Variants in DNAH9 observed in about 807,000 individuals in gnomAD.
DNAH9 encodes the protein DNAH9 variant protein.
DNAH9 carries 345 observed loss-of-function variants against 471.6 expected under a neutral mutation model. The ratio of observed to expected loss-of-function variants is 0.73; its 90% CI spans 0.67 to 0.80. DNAH9 has a LOEUF of 0.80. DNAH9 is among the 30% of genes least tolerant of loss of function. DNAH9 has a pLI of 0.00. For missense variants in DNAH9, 5,407 were observed against 5,609.2 expected, an observed-to-expected ratio of 0.96 and a Z score of 1.15; for synonymous variants, 2,093 against 2,123.6, an observed-to-expected ratio of 0.99 and a Z score of 0.40.
chr17:11,647,036 G>A, intron 11 of DNAH9, 36 bp from the exon 12 acceptor site: 1 of 1,609,880 alleles, frequency 6.2e-7, no homozygotes. Context: ...GCTGGGAGGG[G>A]GCTTATGAGG....
chr17:11,848,929 C>T (rs778998422), intron 49 of DNAH9, among the ~76,000 whole-genome samples: 28 of 152,024 alleles, frequency 1.8e-4, no homozygotes, highest in Admixed American at 3.9e-4. Flanking sequence ...CTCTGCCTCC[C>T]GGGTTCACGC....
intron 49 of DNAH9, among the ~76,000 whole-genome samples, chr17:11,848,339 A>C (rs1971295462): frequency 6.6e-6 from 1 of 152,196 alleles, no homozygotes; most frequent in Non-Finnish European, 1.5e-5. Context: ...GTAAATACAC[A>C]TATATTTGCA....
intron 14 of DNAH9, among the ~76,000 whole-genome samples, chr17:11,659,468 G>T (rs975812266): frequency 2.6e-5 from 4 of 152,120 alleles, no homozygotes; most frequent in Non-Finnish European, 5.9e-5. Context: ...TAAGCCCAGG[G>T]CATAAAACCC....
intron 67 of DNAH9, among the ~76,000 whole-genome samples, chr17:11,957,711 G>A (rs1036931468): frequency 3.2e-4 from 48 of 152,050 alleles, no homozygotes; most frequent in African/African-American, 1.2e-3. Context: ...CAGACAATAA[G>A]CATGCTACTT....
At position 11,843,839 on chromosome 17, in the gene DNAH9, GTT is replaced by G. The variant is rs1193895492; in HGVS notation, c.9507+8943_9507+8944del. 4.9e-4 allele frequency among the ~76,000 whole-genome samples: 29 copies of G among 59,684 alleles called. 1 individual carries two copies. Among genetic ancestry groups the G allele is most frequent in the African/African-American group, 1.3e-3 (25 of 19,430 alleles). The allele number at this position is 59,684 out of a possible 152,430, so 39.2% of individuals were successfully genotyped here. Reference sequence around the variant, plus strand: ...TATTTGTATATATACATGTATATGTGTTTGTGTGTGTGTGTGTGTGTGTGTAT... The same window carrying G: ...TATTTGTATATATACATGTATATGTGTGTGTGTGTGTGTGTGTGTGTGTAT... On this transcript the variant is annotated intron_variant, in intron 49 of 68. Transcript: ENST00000262442.
intron 22 of DNAH9, among the ~76,000 whole-genome samples, chr17:11,694,828 CTT>C (rs1223075385): frequency 6.9e-4 from 1 of 1,448 alleles, no homozygotes; most frequent in Non-Finnish European, 6.0e-3. Context: ...TTCTTTCTTT[CTT>C]TCTTTCTTTC....
rs761194543 is a variant in DNAH9, at chr17:11,739,066, G to T, written c.5972+29G>T. ...AGTGTCAGTTCTGCCCCATGCAAAA[G>T]CCCCAAAAGAGAAGTTTCTTTCATT... On this transcript the variant is annotated intron_variant, in intron 29 of 68. Coordinates refer to ENST00000262442, the MANE Select transcript of DNAH9 (RefSeq NM_001372.4). 5.3e-6 allele frequency: 8 copies of T among 1,512,668 alleles called. No individual in the cohort carries two copies. The Admixed American group carries it at 1.7e-4, about 33-fold the overall frequency. 93.7% of individuals were successfully genotyped at this position (1,512,668 alleles called of 1,614,324 possible).
Position 11,969,451 on chromosome 17 carries a change from G to A in DNAH9, c.13385G>A (p.Trp4462Ter), listed in dbSNP as rs764792200. Residue 4462 changes from tryptophan to a stop codon, truncating the protein, a stop_gained, in exon 69 of 69, where the codon TGG becomes TAG. Coordinates refer to ENST00000262442, the MANE Select transcript of DNAH9 (RefSeq NM_001372.4). LOFTEE classifies it high-confidence loss of function. ...AGTCAGCGGGGACCCACCTACGTGT[G>A]GACTTTCAACCTGAAGACTAAGGAA... ...KTSQRGPTYVWTFNLKTKENP... is the reference protein window; with the variant it reads ...KTSQRGPTYV 6.2e-7 allele frequency: 1 copy of A among 1,613,804 alleles called. No individual in the cohort carries two copies. Among genetic ancestry groups the A allele is most frequent in the African/African-American group, 1.3e-5 (1 of 74,850 alleles).
chr17:11,817,803 T>G (rs1970153804), intron 45 of DNAH9, among the ~76,000 whole-genome samples: 1 of 152,224 alleles, frequency 6.6e-6, no homozygotes, highest in Non-Finnish European at 1.5e-5. Context: ...ATGCATGTCA[T>G]TAACTATCTC....
chr17:11,838,257 A>G (rs2150956590), intron 49 of DNAH9, among the ~76,000 whole-genome samples: 1 of 152,342 alleles, frequency 6.6e-6, no homozygotes, highest in South Asian at 2.1e-4. Context: ...AGTATAATCT[A>G]GAAGTAATGG....
chr17:11,696,853 T>C (rs977482866), intron 22 of DNAH9, among the ~76,000 whole-genome samples: 3 of 152,166 alleles, frequency 2.0e-5, no homozygotes, highest in Non-Finnish European at 4.4e-5. Flanking sequence ...TTTTTTTATA[T>C]CTCATTCTTT....
rs1442284182 is a variant in DNAH9, at chr17:11,923,801, A to T, written c.11750-13A>T. ...CACAAGAAATAATAATGACGCCTCC[A>T]TCCTCCTTTTAGGAAGAAAACTTGG... On this transcript the variant is annotated splice_polypyrimidine_tract_variant and intron_variant, in intron 61 of 68. Coordinates refer to ENST00000262442, the MANE Select transcript of DNAH9 (RefSeq NM_001372.4). 2.5e-6 allele frequency: 4 copies of T among 1,613,436 alleles called. No homozygotes were observed. The highest frequency in any genetic ancestry group is 2.2e-5 in the East Asian group (1 of 44,854).
In DNAH9 at chr17:11,821,914, T is replaced by C. The variant is rs1210269695; in HGVS notation, c.8708-6T>C. 6.2e-7 allele frequency: 1 copy of C among 1,606,958 alleles called. No homozygotes were observed. The highest frequency in any genetic ancestry group is 1.1e-5 in the South Asian group (1 of 89,708). The stretch of plus-strand genomic sequence containing the variant: ...GGCTGCCTATCTGTGCTCCATTTTT[T>C]CCCAGGGGAGATCCCAGATCTCTAC... On this transcript the variant is annotated splice_polypyrimidine_tract_variant and splice_region_variant and intron_variant, in intron 45 of 68. Coordinates refer to ENST00000262442, the MANE Select transcript of DNAH9 (RefSeq NM_001372.4).
chr17:11,739,143 G>A, intron 29 of DNAH9, 106 bp downstream of exon 29: 1 of 1,174,232 alleles, frequency 8.5e-7, no homozygotes, highest in Non-Finnish European at 1.2e-6. Flanking sequence ...GGAACATTTG[G>A]AAAAGTAGAT....
chr17:11,774,455 C>G (rs984494115), intron 38 of DNAH9, among the ~76,000 whole-genome samples: 2 of 152,152 alleles, frequency 1.3e-5, no homozygotes, highest in Non-Finnish European at 2.9e-5. Context: ...CTGGGGAAGC[C>G]TCACAGTCAT....
Position 11,937,048 on chromosome 17 carries a change from G to A in DNAH9, c.12490-304G>A, listed in dbSNP as rs370953749. On this transcript the variant is annotated intron_variant, in intron 65 of 68. Transcript: ENST00000262442. The surrounding 1 kb of genome is among the most constrained non-coding windows in gnomAD (Gnocchi z 4.1). ...GTCCTCCTCTGGTCTGCAGGAAAAA[G>A]AGTCATCAGGGAGGAGTGGGAGGCA... is the stretch of plus-strand genomic sequence containing the variant. Among the ~76,000 whole-genome samples the A allele has an allele frequency of 6.6e-6, 1 of 151,702 alleles. No individual in the cohort carries two copies. Among genetic ancestry groups the A allele is most frequent in the African/African-American group, 2.4e-5 (1 of 41,020 alleles).
intron 26 of DNAH9, among the ~76,000 whole-genome samples, chr17:11,708,008 CACACACAGAGAGAGAGAGAGAGAGAG>C (rs1188530695): frequency 3.2e-4 from 15 of 47,224 alleles, no homozygotes; most frequent in African/African-American, 7.6e-4. Context: ...CACACACACA[CACACACAGAGAGAGAGAGAGAGAGAG>C]AGAGAGAGAG....
intron 6 of DNAH9, among the ~76,000 whole-genome samples, chr17:11,627,365 G>C (rs1344136576): frequency 6.6e-6 from 1 of 152,104 alleles, no homozygotes; most frequent in Non-Finnish European, 1.5e-5. Flanking sequence ...ATTATCATCT[G>C]GGTTTCTGAT....
At chr17:11,930,907 A>C (rs1974488361) in intron 63 of DNAH9, among the ~76,000 whole-genome samples, 1 of 152,214 alleles carries the variant, frequency 6.6e-6, no homozygotes, top group Non-Finnish European at 1.5e-5. Flanking sequence ...AGAGACTCAG[A>C]ATATCAAGTG....
Sources: gnomAD v4.1 joint callset for allele counts (sites outside exome capture counted in the v4.1 genomes callset) on GRCh38, gnomAD v4.1.1 for gene constraint, Gnocchi (gnomAD v3.1) non-coding constraint, MANE v1.5 for transcripts, NCBI Gene and HGNC (gene_info 2026-07-23, HGNC 2026-07-21) for gene names.